ACER3: variants seen among roughly 807,000 people sequenced by gnomAD.
The protein encoded by ACER3 is alkaline ceramidase 3, also known as alkCDase 3.
In ACER3, 16 loss-of-function variants were observed where a neutral mutation model predicts 48.9. The observed-to-expected ratio is 0.33, with a 90% CI of 0.22 to 0.50. ACER3 has a LOEUF of 0.50. Among genes scored for constraint, ACER3 ranks in the 20% least tolerant of loss-of-function variants. The probability of loss-of-function intolerance (pLI) is 0.98; values close to 1 mark genes in which losing one functional copy is unlikely to be tolerated. For missense variants in ACER3, 227 were observed against 326.0 expected (o/e 0.70, Z 2.34); for synonymous variants, 109 against 107.8 (o/e 1.01, Z -0.07).
At chr11:76,898,871 T>C (rs892066278) in intron 1 of ACER3, among the ~76,000 whole-genome samples, 30 of 109,070 alleles carry the variant, frequency 2.8e-4, no homozygotes, top group Non-Finnish European at 4.8e-4. Flanking sequence ...GCCACTGCAC[T>C]CCAGCCTGGG....
At chr11:76,933,277 T>C (rs1487489155) in intron 2 of ACER3, among the ~76,000 whole-genome samples, 2 of 149,852 alleles carry the variant, frequency 1.3e-5, no homozygotes, top group East Asian at 3.9e-4. Flanking sequence ...ATAATTTTTA[T>C]TTTTTTTATT....
At chr11:76,935,885 G>A (rs1947166837) in intron 2 of ACER3, among the ~76,000 whole-genome samples, 1 of 152,194 alleles carries the variant, frequency 6.6e-6, no homozygotes, top group African/African-American at 2.4e-5. Flanking sequence ...ATATTGGGCA[G>A]TGCAGATATA....
chr11:76,868,412 T>C (rs1042265761), intron 1 of ACER3: 2 of 563,028 alleles, frequency 3.6e-6, no homozygotes, highest in African/African-American at 4.0e-5. Flanking sequence ...TGTGTGTGTG[T>C]GTGTGTGTGT....
intron 4 of ACER3, among the ~76,000 whole-genome samples, chr11:76,978,140 T>C (rs1371473097): frequency 6.6e-6 from 1 of 152,102 alleles, no homozygotes; most frequent in East Asian, 1.9e-4. Context: ...CATACATTGA[T>C]GGTGGCAGGA....
At chr11:76,984,415 TAA>T (rs1948646311) in intron 4 of ACER3, among the ~76,000 whole-genome samples, 2 of 152,292 alleles carry the variant, frequency 1.3e-5, no homozygotes, top group African/African-American at 4.8e-5. Context: ...AATTTAAAGG[TAA>T]AAGAGATCTT....
At chr11:76,906,802 C>G (rs1006632621) in intron 1 of ACER3, among the ~76,000 whole-genome samples, 3 of 152,108 alleles carry the variant, frequency 2.0e-5, no homozygotes, top group African/African-American at 4.8e-5. Context: ...CTCAAGCAGT[C>G]CCCCCACCTT....
chr11:76,960,848 T>A (rs1368989175), intron 3 of ACER3, among the ~76,000 whole-genome samples: 1 of 152,012 alleles, frequency 6.6e-6, no homozygotes, highest in African/African-American at 2.4e-5. Context: ...AAGAAGGGTG[T>A]CCTCCCAAGT....
chr11:77,015,259 A>T, intron 8 of ACER3, 142 bp downstream of exon 8: 1 of 560,832 alleles, frequency 1.8e-6, no homozygotes, highest in Non-Finnish European at 3.1e-6. Flanking sequence ...CAGTATAATA[A>T]AGTTAGACTA....
intron 1 of ACER3, among the ~76,000 whole-genome samples, chr11:76,882,365 TA>T (rs1945551507): frequency 6.6e-6 from 1 of 152,192 alleles, no homozygotes; most frequent in African/African-American, 2.4e-5. Flanking sequence ...GACCTATCTT[TA>T]TGTTGACTTA....
intron 2 of ACER3, chr11:76,957,402 G>T (rs1201920671): frequency 4.8e-6 from 2 of 420,558 alleles, no homozygotes; most frequent in Admixed American, 2.7e-5. Flanking sequence ...CAGAATTATT[G>T]AATACATATA....
rs7946314 is a variant in ACER3, at chr11:76,864,405, A to G, written c.103+3326A>G. On this transcript the variant is annotated intron_variant, in intron 1 of 10. Coordinates refer to ENST00000532485, the MANE Select transcript of ACER3 (RefSeq NM_018367.7). Reference sequence around the variant, plus strand: ...CTGTGATCTTTAAAACTTTTTGTCAAACATTGTAAACTCTCTTACTGTTGG... The same window carrying G: ...CTGTGATCTTTAAAACTTTTTGTCAGACATTGTAAACTCTCTTACTGTTGG... Among the ~76,000 whole-genome samples, 1,510 of 152,336 alleles carry G rather than the reference A, an allele frequency of 9.9e-3. 31 individuals are homozygous for G. The highest frequency in any genetic ancestry group is 0.035 in the African/African-American group (1,447 of 41,576).
chr11:77,012,676 A>T (rs1555022436), intron 7 of ACER3, among the ~76,000 whole-genome samples: 1 of 152,208 alleles, frequency 6.6e-6, no homozygotes, highest in Non-Finnish European at 1.5e-5. Context: ...AGAGCTAGAC[A>T]AATAGACAGA....
At chr11:76,899,224 C>T (rs895249454) in intron 1 of ACER3, among the ~76,000 whole-genome samples, 1 of 152,110 alleles carries the variant, frequency 6.6e-6, no homozygotes, top group African/African-American at 2.4e-5. Flanking sequence ...ATGTGTCAGC[C>T]ACCATACTAA....
At chr11:76,865,862 G>A (rs1047760928) in intron 1 of ACER3, among the ~76,000 whole-genome samples, 4 of 150,694 alleles carry the variant, frequency 2.7e-5, no homozygotes, top group Admixed American at 6.6e-5. Flanking sequence ...TGTCGCCCAG[G>A]CTGGAGTGCA....
intron 1 of ACER3, among the ~76,000 whole-genome samples, chr11:76,884,594 A>G (rs1945626179): frequency 2.0e-5 from 3 of 152,202 alleles, no homozygotes; most frequent in Admixed American, 6.5e-5. Context: ...TCTATTAAAC[A>G]TTAAGATAGG....
intron 1 of ACER3, among the ~76,000 whole-genome samples, chr11:76,861,516 G>A (rs975803687): frequency 7.2e-5 from 11 of 152,078 alleles, no homozygotes; most frequent in Admixed American, 7.2e-4. Context: ...TCCTAGCTTC[G>A]TCTTTCCCCC....
At chr11:76,868,969 G>C (rs973425964) in intron 1 of ACER3, among the ~76,000 whole-genome samples, 3 of 152,168 alleles carry the variant, frequency 2.0e-5, no homozygotes, top group African/African-American at 7.2e-5. Flanking sequence ...TTCCAAACCT[G>C]CCCCTGGGTA....
intron 1 of ACER3, among the ~76,000 whole-genome samples, chr11:76,887,545 G>T (rs1945702529): frequency 6.6e-6 from 1 of 151,988 alleles, no homozygotes; most frequent in Non-Finnish European, 1.5e-5. Context: ...ATTAAGAAAA[G>T]ACATTGTTAT....
chr11:76,960,076 T>G (rs1947947877), intron 3 of ACER3, among the ~76,000 whole-genome samples: 1 of 152,092 alleles, frequency 6.6e-6, no homozygotes, highest in Non-Finnish European at 1.5e-5. Context: ...TTCTAGTAGC[T>G]ACATTGAAAA....
Sources: allele counts gnomAD v4.1 joint callset (sites outside exome capture counted in the v4.1 genomes callset), GRCh38; gene constraint gnomAD v4.1.1; transcripts MANE v1.5; gene names NCBI Gene and HGNC (gene_info 2026-07-23, HGNC 2026-07-21).